Variants in CDH9 observed in about 807,000 individuals in gnomAD.
The protein encoded by CDH9 is cadherin-9.
Under a neutral mutation model 70.9 loss-of-function variants are expected in CDH9, and 28 were observed. That is an observed-to-expected ratio of 0.40 (90% CI 0.29 to 0.54). The LOEUF (loss-of-function observed/expected upper bound fraction) is 0.54, where lower values mean the gene tolerates loss of function less well. Among genes scored for constraint, CDH9 ranks in the 20% least tolerant of loss-of-function variants. The probability of loss-of-function intolerance (pLI) is 0.59; values close to 1 mark genes in which losing one functional copy is unlikely to be tolerated. For missense variants in CDH9, 874 were observed against 984.4 expected (o/e 0.89, Z 1.50); for synonymous variants, 409 against 343.1 (o/e 1.19, Z -2.12).
intron 2 of CDH9, among the ~76,000 whole-genome samples, chr5:26,955,572 A>ATCTCTCTCTC (rs10541203): frequency 6.9e-6 from 1 of 144,264 alleles, no homozygotes; most frequent in Non-Finnish European, 1.5e-5. Context: ...TTGTGGCAGT[A>ATCTCTCTCTC]TCTCTCTCTC....
At chr5:27,003,911 C>T (rs1167391661) in intron 1 of CDH9, among the ~76,000 whole-genome samples, 3 of 151,188 alleles carry the variant, frequency 2.0e-5, no homozygotes, top group Non-Finnish European at 3.0e-5. Context: ...ATGTACTATA[C>T]CAATGTAACA....
At chr5:26,992,230 G>C (rs536038658) in intron 1 of CDH9, among the ~76,000 whole-genome samples, 6 of 152,238 alleles carry the variant, frequency 3.9e-5, no homozygotes, top group Admixed American at 3.9e-4. Context: ...TGTGCAGCCT[G>C]GTCCCTAACA....
At chr5:26,944,708 C>A (rs1579467218) in intron 2 of CDH9, among the ~76,000 whole-genome samples, 2 of 152,174 alleles carry the variant, frequency 1.3e-5, no homozygotes, top group South Asian at 2.1e-4. Context: ...ATTAGCTGTT[C>A]CTTTGAAATT....
chr5:26,924,003 G>C (rs1315716200), intron 2 of CDH9, among the ~76,000 whole-genome samples: 1 of 151,552 alleles, frequency 6.6e-6, no homozygotes, highest in Admixed American at 6.6e-5. Context: ...AAAAGCAAGA[G>C]AAAACCAAGC....
intron 1 of CDH9, among the ~76,000 whole-genome samples, chr5:27,021,818 G>C (rs867130911): frequency 6.6e-6 from 1 of 151,906 alleles, no homozygotes; most frequent in Non-Finnish European, 1.5e-5. Flanking sequence ...AATTTAATTA[G>C]TGAATAGATT....
intron 1 of CDH9, among the ~76,000 whole-genome samples, chr5:26,995,530 A>G (rs11742338): frequency 0.46 from 69,812 of 151,892 alleles, 16,840 homozygotes; most frequent in Non-Finnish European, 0.5. Context: ...TATTTTTCTC[A>G]TAATTCTTTA....
intron 1 of CDH9, among the ~76,000 whole-genome samples, chr5:26,989,594 G>A (rs748081535): frequency 1.3e-4 from 20 of 151,046 alleles, no homozygotes; most frequent in Non-Finnish European, 2.8e-4. Context: ...TGAATAAATT[G>A]TGTGGGTGAT....
intron 11 of CDH9, among the ~76,000 whole-genome samples, chr5:26,882,605 C>A (rs1032610614): frequency 2.0e-5 from 3 of 151,902 alleles, no homozygotes; most frequent in Admixed American, 2.0e-4. Context: ...TTAAAGATTG[C>A]ACAAGCCCAT....
intron 7 of CDH9, among the ~76,000 whole-genome samples, chr5:26,892,217 A>G (rs1306695027): frequency 6.6e-6 from 1 of 152,240 alleles, no homozygotes; most frequent in African/African-American, 2.4e-5. Flanking sequence ...ATGCCGTACT[A>G]GTTAATTTTT....
chr5:26,969,393 A>G (rs892212320), intron 2 of CDH9, among the ~76,000 whole-genome samples: 6 of 152,106 alleles, frequency 3.9e-5, no homozygotes, highest in African/African-American at 1.4e-4. Flanking sequence ...GAAGAACTAC[A>G]TTTCACTATT....
chr5:26,919,564 T>A (rs1458435835), intron 2 of CDH9, among the ~76,000 whole-genome samples: 1 of 152,152 alleles, frequency 6.6e-6, no homozygotes, highest in Non-Finnish European at 1.5e-5. Flanking sequence ...TTTCTGGGGA[T>A]GTGACCTAGT....
At chr5:26,941,009 G>A (rs1741653627) in intron 2 of CDH9, among the ~76,000 whole-genome samples, 1 of 152,186 alleles carries the variant, frequency 6.6e-6, no homozygotes. Flanking sequence ...GCACAGAGTA[G>A]GGGTTTAATA....
At chr5:26,958,778 C>T (rs1206221718) in intron 2 of CDH9, among the ~76,000 whole-genome samples, 2 of 151,934 alleles carry the variant, frequency 1.3e-5, no homozygotes, top group Non-Finnish European at 1.5e-5. Flanking sequence ...AATGCTTTAT[C>T]TAATAAAAAG....
At chr5:26,981,105 A>T (rs1431408668) in intron 2 of CDH9, among the ~76,000 whole-genome samples, 2 of 152,112 alleles carry the variant, frequency 1.3e-5, no homozygotes, top group Non-Finnish European at 2.9e-5. Flanking sequence ...CCATTGGCTA[A>T]TATGTACCCA....
intron 2 of CDH9, among the ~76,000 whole-genome samples, chr5:26,924,552 T>TTATA (rs138461846): frequency 2.0e-5 from 3 of 150,100 alleles, no homozygotes; most frequent in African/African-American, 7.3e-5. Context: ...AATAAGTATT[T>TTATA]TATATATATG....
intron 1 of CDH9, among the ~76,000 whole-genome samples, chr5:27,034,162 T>G (rs2112138756): frequency 6.6e-6 from 1 of 151,880 alleles, no homozygotes; most frequent in East Asian, 1.9e-4. Flanking sequence ...ATGAACATGT[T>G]AAATCTTTCA....
At chr5:27,027,235 C>G (rs1033628238) in intron 1 of CDH9, among the ~76,000 whole-genome samples, 4 of 151,954 alleles carry the variant, frequency 2.6e-5, no homozygotes, top group African/African-American at 9.7e-5. Flanking sequence ...AAACTTGCAA[C>G]ACAAAATTGT....
intron 1 of CDH9, among the ~76,000 whole-genome samples, chr5:27,028,690 T>C (rs1333578148): frequency 6.6e-6 from 1 of 152,046 alleles, no homozygotes; most frequent in East Asian, 1.9e-4. Context: ...CTGTTTCAAG[T>C]ACATTTTTAG....
chr5:26,885,183 GGTAGA>G (rs1476689175), intron 11 of CDH9, among the ~76,000 whole-genome samples: 1 of 152,080 alleles, frequency 6.6e-6, no homozygotes, highest in Admixed American at 6.6e-5. Context: ...AGAACTCTAT[GGTAGA>G]GTAATCTGTG....
Sources: allele counts gnomAD v4.1 joint callset (sites outside exome capture counted in the v4.1 genomes callset), GRCh38; gene constraint gnomAD v4.1.1; transcripts MANE v1.5; gene names NCBI Gene and HGNC (gene_info 2026-07-23, HGNC 2026-07-21).